Variants in CAPZA2 observed in about 807,000 individuals in gnomAD.
CAPZA2 encodes capping actin protein of muscle Z-line subunit alpha 2.
Under a neutral mutation model 44.0 loss-of-function variants are expected in CAPZA2, and 13 were observed. The observed-to-expected ratio is 0.30, with a 90% CI of 0.19 to 0.47. CAPZA2 has a LOEUF of 0.47. Among genes scored for constraint, CAPZA2 ranks in the 20% least tolerant of loss-of-function variants. The pLI is 1.00. For synonymous variants in CAPZA2, 94 were observed against 108.2 expected (o/e 0.87, Z 0.81); for missense variants, 244 against 338.6 (o/e 0.72, Z 2.19).
In CAPZA2 at chr7:116,888,193, G is replaced by A; in HGVS notation, c.103+3G>A. On this transcript the variant is annotated splice_donor_region_variant and intron_variant, in intron 2 of 9. Transcript: ENST00000361183. ...AGAATTTAATGAGGTTTTCAATGGT[G>A]AGTGTTTGATTTATAACACTAGGCT... 1 of 1,600,280 alleles carries A rather than the reference G, an allele frequency of 6.2e-7. No individual in the cohort carries two copies. The highest frequency in any genetic ancestry group is 8.6e-7 in the Non-Finnish European group (1 of 1,169,384).
At chr7:116,901,702 G>T (rs983552840) in intron 4 of CAPZA2, among the ~76,000 whole-genome samples, 1 of 151,926 alleles carries the variant, frequency 6.6e-6, no homozygotes, top group African/African-American at 2.4e-5. Flanking sequence ...CATAAAACAG[G>T]ATCTGACCAA....
chr7:116,909,573 T>G (rs968656417), intron 6 of CAPZA2, among the ~76,000 whole-genome samples: 2 of 151,502 alleles, frequency 1.3e-5, no homozygotes, highest in African/African-American at 4.9e-5. Flanking sequence ...AACATAAAAT[T>G]GGAAAACTAA....
intron 1 of CAPZA2, among the ~76,000 whole-genome samples, chr7:116,868,524 G>A (rs561796716): frequency 4.1e-4 from 63 of 152,298 alleles, no homozygotes; most frequent in African/African-American, 1.3e-3. Flanking sequence ...CCTGAGGTCC[G>A]GAGTTTGAGA....
intron 6 of CAPZA2, chr7:116,906,650 C>A (rs1360396509): frequency 8.2e-6 from 2 of 242,940 alleles, no homozygotes; most frequent in Non-Finnish European, 1.6e-5. Flanking sequence ...AGGGGCTGTT[C>A]CTGAATGAAA....
chr7:116,898,815 A>C lies in CAPZA2; in HGVS notation c.199A>C (p.Ile67Leu). 6.3e-7 allele frequency: 1 copy of C among 1,596,874 alleles called. No homozygotes were observed. Among genetic ancestry groups the C allele is most frequent in the Non-Finnish European group, 8.6e-7 (1 of 1,167,234 alleles). ...YNLDQFTPVK[I>L]EGYEDQVLIT... ...CTTGGACCAGTTTACTCCAGTAAAA[A>C]TTGAAGGTTATGAAGATCAGGTATG... The change falls in exon 4 of 10, where the codon ATT (isoleucine) becomes CTT (leucine). Residue 67 changes from isoleucine to leucine, a missense_variant. By Grantham distance (5) the Ile-to-Leu change is conservative. Coordinates refer to ENST00000361183, the MANE Select transcript of CAPZA2 (RefSeq NM_006136.3).
Position 116,910,744 on chromosome 7 carries a change from G to C in CAPZA2, c.585+433G>C, listed in dbSNP as rs144858594. 1.5e-4 allele frequency among the ~76,000 whole-genome samples: 23 copies of C among 152,162 alleles called. No homozygotes were observed. In the East Asian group the frequency reaches 4.4e-3, roughly 29 times the overall value. Reference sequence around the variant, plus strand: ...GTATTGGCTGGGCGCGGTGGCTCACGCCTGTTATCCCAACACTTTGGGAGG... The same window carrying C: ...GTATTGGCTGGGCGCGGTGGCTCACCCCTGTTATCCCAACACTTTGGGAGG... On this transcript the variant is annotated intron_variant, in intron 7 of 9. Coordinates refer to ENST00000361183, the MANE Select transcript of CAPZA2 (RefSeq NM_006136.3).
intron 8 of CAPZA2, among the ~76,000 whole-genome samples, chr7:116,913,923 T>C (rs1318032001): frequency 1.3e-5 from 2 of 151,930 alleles, no homozygotes; most frequent in African/African-American, 4.8e-5. Context: ...CAGTATAACA[T>C]TTAACAGTGA....
chr7:116,917,581 T>C, intron 9 of CAPZA2, 146 bp from the exon 10 acceptor site: 1 of 665,024 alleles, frequency 1.5e-6, no homozygotes. Flanking sequence ...TAAACAGCTT[T>C]TAAAACAATG....
intron 1 of CAPZA2, among the ~76,000 whole-genome samples, chr7:116,865,115 G>T (rs1446628736): frequency 6.6e-6 from 1 of 151,206 alleles, no homozygotes; most frequent in Non-Finnish European, 1.5e-5. Context: ...TCAAGATGAA[G>T]GTAGTATTTA....
At chr7:116,893,991 T>A (rs1796886253) in intron 3 of CAPZA2, among the ~76,000 whole-genome samples, 1 of 151,960 alleles carries the variant, frequency 6.6e-6, no homozygotes, top group Non-Finnish European at 1.5e-5. Flanking sequence ...GATGAAGTAG[T>A]GCATTCTTTC....
intron 7 of CAPZA2, among the ~76,000 whole-genome samples, chr7:116,911,706 GGGGAATTAAAT>G (rs901657089): frequency 2.8e-4 from 42 of 152,294 alleles, no homozygotes; most frequent in African/African-American, 1.0e-3. Context: ...GTCTGAGTTT[GGGGAATTAAAT>G]GGTTGGTGGA....
intron 1 of CAPZA2, among the ~76,000 whole-genome samples, chr7:116,880,696 C>CTTTGTTTTTTT (rs1796684014): frequency 4.1e-5 from 1 of 24,686 alleles, no homozygotes; most frequent in Non-Finnish European, 8.0e-5. Flanking sequence ...TGTAACCTGC[C>CTTTGTTTTTTT]TTTTTTTTTT....
intron 1 of CAPZA2, among the ~76,000 whole-genome samples, chr7:116,869,471 C>T (rs192284953): frequency 1.3e-5 from 2 of 152,252 alleles, no homozygotes; most frequent in Admixed American, 1.3e-4. Flanking sequence ...ACTAAATATA[C>T]CACATTTCAC....
At chr7:116,866,481 T>C (rs544436618) in intron 1 of CAPZA2, among the ~76,000 whole-genome samples, 27 of 152,328 alleles carry the variant, frequency 1.8e-4, no homozygotes, top group African/African-American at 6.3e-4. Context: ...TCCCATAGAC[T>C]TTTTTACATA....
At chr7:116,887,109 T>C (rs1418078878) in intron 1 of CAPZA2, among the ~76,000 whole-genome samples, 1 of 152,274 alleles carries the variant, frequency 6.6e-6, no homozygotes, top group Non-Finnish European at 1.5e-5. Context: ...TGTGAGTTTT[T>C]AATCAAATAT....
intron 1 of CAPZA2, chr7:116,873,331 G>A (rs949330049): frequency 2.6e-5 from 4 of 152,298 alleles, no homozygotes; most frequent in African/African-American, 9.7e-5. Context: ...GTGTGTATGT[G>A]TGTACATGTA....
At chr7:116,872,734 A>G (rs1796568442) in intron 1 of CAPZA2, among the ~76,000 whole-genome samples, 1 of 152,234 alleles carries the variant, frequency 6.6e-6, no homozygotes, top group South Asian at 2.1e-4. Context: ...TTGAAGTGGA[A>G]AAGTGCATAG....
At position 116,862,631 on chromosome 7, in the gene CAPZA2, A is replaced by C; in HGVS notation, c.20A>C (p.Gln7Pro). Residue 7 changes from glutamine to proline, a missense_variant, in exon 1 of 10, where the codon CAG becomes CCG. Physicochemically the swap from Gln to Pro is moderately conservative, Grantham distance 76. Transcript: ENST00000361183. MADLEE[Q>P]LSDEEKVRIA... ...AGGAAGATGGCGGATCTGGAGGAGC[A>C]GTTGTCTGATGAAGAGAAGGTAAGA... is the stretch of plus-strand genomic sequence containing the variant. The C allele has an allele frequency of 6.5e-7, 1 of 1,540,134 alleles. No individual in the cohort carries two copies. The highest frequency in any genetic ancestry group is 2.5e-5 in the East Asian group (1 of 39,332).
intron 4 of CAPZA2, among the ~76,000 whole-genome samples, chr7:116,900,883 T>G (rs1585011404): frequency 1.3e-5 from 2 of 151,940 alleles, no homozygotes; most frequent in Non-Finnish European, 1.5e-5. Context: ...GCAGACATAC[T>G]TGAGGCCAAA....
Sources: allele counts gnomAD v4.1 joint callset (sites outside exome capture counted in the v4.1 genomes callset), GRCh38; gene constraint gnomAD v4.1.1; transcripts MANE v1.5; gene names NCBI Gene and HGNC (gene_info 2026-07-23, HGNC 2026-07-21).